Variants in EXOC4 observed in about 807,000 individuals in gnomAD.
EXOC4 encodes the protein SEC8-like 1.
Under a neutral mutation model 107.2 loss-of-function variants are expected in EXOC4, and 71 were observed. The observed-to-expected ratio is 0.66, with a 90% confidence interval of 0.55 to 0.81. The LOEUF (loss-of-function observed/expected upper bound fraction) is 0.81, where lower values mean the gene tolerates loss of function less well. Ranked by LOEUF, EXOC4 falls within the 30% of genes least tolerant of loss-of-function variation. The pLI is 0.00. For synonymous variants in EXOC4, 456 were observed against 441.2 expected, an observed-to-expected ratio of 1.03 and a Z score of -0.42; for missense variants, 1,108 against 1,189.6, an observed-to-expected ratio of 0.93 and a Z score of 1.01.
intron 11 of EXOC4, among the ~76,000 whole-genome samples, chr7:133,831,454 A>G (rs907856674): frequency 7.2e-5 from 11 of 152,108 alleles, no homozygotes; most frequent in African/African-American, 2.7e-4. Flanking sequence ...TGTATTTTAT[A>G]CTTGGAGTTA....
At chr7:133,710,743 A>G (rs1816018) in intron 10 of EXOC4, among the ~76,000 whole-genome samples, 149,314 of 151,382 alleles carry the variant, frequency 0.99, 73,685 homozygotes, top group Middle Eastern at 1. Flanking sequence ...ACTATTTTTA[A>G]TATGCAGTCA....
chr7:133,799,597 C>T (rs532839345), intron 10 of EXOC4, among the ~76,000 whole-genome samples: 1 of 152,154 alleles, frequency 6.6e-6, no homozygotes, highest in South Asian at 2.1e-4. Flanking sequence ...CATCAAATGG[C>T]CATTATGCAG....
chr7:134,028,340 C>G (rs754567825), intron 17 of EXOC4, among the ~76,000 whole-genome samples: 2 of 152,184 alleles, frequency 1.3e-5, no homozygotes, highest in Non-Finnish European at 2.9e-5. Context: ...GTCATGTTCT[C>G]TCTTAGCTAT....
At chr7:133,770,290 G>T (rs1796219291) in intron 10 of EXOC4, among the ~76,000 whole-genome samples, 1 of 151,852 alleles carries the variant, frequency 6.6e-6, no homozygotes, top group East Asian at 1.9e-4. Context: ...AAGAAATTAA[G>T]CAACTTGCCC....
chr7:134,091,479 C>A, the EXOC4 span, among the ~76,000 whole-genome samples: 1 of 152,196 alleles, frequency 6.6e-6, no homozygotes, highest in African/African-American at 2.4e-5. Context: ...GTTTTATCAA[C>A]AAGGTCTTTA....
intron 11 of EXOC4, among the ~76,000 whole-genome samples, chr7:133,881,194 A>T (rs1310016239): frequency 6.6e-6 from 1 of 152,098 alleles, no homozygotes; most frequent in Non-Finnish European, 1.5e-5. Flanking sequence ...TATGTATGTC[A>T]TAAAAGGACA....
rs1796022960 is a variant in EXOC4, at chr7:133,356,499, G to A, written c.933G>A (p.Val311=). 6.2e-7 allele frequency: 1 copy of A among 1,614,142 alleles called. No homozygotes were observed. Residue 311 remains valine (V), a synonymous_variant, in exon 6 of 18, where the codon GTG becomes GTA. Coordinates refer to ENST00000253861, the MANE Select transcript of EXOC4 (RefSeq NM_021807.4). ...TGGAGCAGGAGTTGAAGCAAATTGTGAAGAGGTCTACAACCCAGGTGGCAG... is the reference window on the plus strand; with the variant it reads ...TGGAGCAGGAGTTGAAGCAAATTGTAAAGAGGTCTACAACCCAGGTGGCAG... The part of the protein sequence containing the change: ...ERLEQELKQI[V]KRSTTQVADS...
intron 1 of EXOC4, among the ~76,000 whole-genome samples, chr7:133,261,062 A>T (rs1471673929): frequency 1.3e-5 from 2 of 152,058 alleles, no homozygotes; most frequent in Non-Finnish European, 2.9e-5. Flanking sequence ...ACAGAAGCTT[A>T]TCTTCTTTAT....
rs1798005513 is a variant in EXOC4 at position 133,437,603 on chromosome 7, A to G, written c.1183-37725A>G. 3.3e-5 allele frequency among the ~76,000 whole-genome samples: 5 copies of G among 152,274 alleles called. No homozygotes were observed. The South Asian group carries it at 1.0e-3, about 32-fold the overall frequency. On this transcript the variant is annotated intron_variant, in intron 7 of 17. Transcript: ENST00000253861. ...TTTAAGATCGATAGGATATTTTATT[A>G]TCTAATCTTTTTTCCACTTCACATC...
At position 133,637,490 on chromosome 7, in the gene EXOC4, A is replaced by G. The variant is rs372785199; in HGVS notation, c.1514+7349A>G. Among the ~76,000 whole-genome samples the G allele has an allele frequency of 2.6e-4, 39 of 152,294 alleles. No individual in the cohort carries two copies. In the East Asian group the frequency reaches 3.1e-3, roughly 12 times the overall value. The stretch of plus-strand genomic sequence containing the variant: ...GTTTGTTCTTAATGAGCTAAAGCCT[A>G]TGTAGACATTTTGAAAGATGTTAGT... On this transcript the variant is annotated intron_variant, in intron 10 of 17. Coordinates refer to ENST00000253861, the MANE Select transcript of EXOC4 (RefSeq NM_021807.4).
chr7:134,014,330 G>A (rs1794843969), intron 17 of EXOC4, among the ~76,000 whole-genome samples: 1 of 152,008 alleles, frequency 6.6e-6, no homozygotes, highest in Non-Finnish European at 1.5e-5. Flanking sequence ...TTGAACCTGG[G>A]AGGCAGAGCT....
chr7:133,717,430 C>T (rs984677499), intron 10 of EXOC4, among the ~76,000 whole-genome samples: 3 of 152,194 alleles, frequency 2.0e-5, no homozygotes, highest in African/African-American at 7.2e-5. Context: ...TTTGGCTGTG[C>T]ACATGCTTGC....
At chr7:133,738,059 AC>A (rs1795485879) in intron 10 of EXOC4, among the ~76,000 whole-genome samples, 1 of 150,686 alleles carries the variant, frequency 6.6e-6, no homozygotes, top group Non-Finnish European at 1.5e-5. Context: ...TTGTAGGTGC[AC>A]CCCATCATGC....
At chr7:133,741,623 G>A (rs1795566563) in intron 10 of EXOC4, among the ~76,000 whole-genome samples, 1 of 152,162 alleles carries the variant, frequency 6.6e-6, no homozygotes, top group African/African-American at 2.4e-5. Context: ...GAAACATTGA[G>A]TGCTCTAATT....
chr7:133,716,341 A>G (rs1342689471), intron 10 of EXOC4, among the ~76,000 whole-genome samples: 1 of 152,224 alleles, frequency 6.6e-6, no homozygotes, highest in Non-Finnish European at 1.5e-5. Context: ...ATAGAGCTGA[A>G]ATACTTGTAT....
intron 14 of EXOC4, among the ~76,000 whole-genome samples, chr7:133,954,273 C>A (rs1367949379): frequency 6.6e-6 from 1 of 152,146 alleles, no homozygotes; most frequent in African/African-American, 2.4e-5. Flanking sequence ...TGACTGGAAA[C>A]TGGCAAAAGA....
At chr7:133,873,931 CA>C (rs1798798225) in intron 11 of EXOC4, among the ~76,000 whole-genome samples, 1 of 152,228 alleles carries the variant, frequency 6.6e-6, no homozygotes, top group African/African-American at 2.4e-5. Flanking sequence ...CTGTTCCTTT[CA>C]TATAAACTTG....
intron 3 of EXOC4, among the ~76,000 whole-genome samples, chr7:133,305,426 A>G (rs894089376): frequency 6.6e-6 from 1 of 152,212 alleles, no homozygotes; most frequent in Admixed American, 6.5e-5. Flanking sequence ...CTTGGTAAGC[A>G]CAAAGAGTCA....
chr7:133,554,735 A>G (rs889895552), intron 9 of EXOC4, among the ~76,000 whole-genome samples: 1 of 152,128 alleles, frequency 6.6e-6, no homozygotes, highest in Admixed American at 6.6e-5. Flanking sequence ...AGCTCCTTAG[A>G]TGTAACAATT....
Sources: allele counts gnomAD v4.1 joint callset (sites outside exome capture counted in the v4.1 genomes callset), GRCh38; gene constraint gnomAD v4.1.1; transcripts MANE v1.5; gene names NCBI Gene and HGNC (gene_info 2026-07-23, HGNC 2026-07-21).